Variants in CTNND2 observed in about 807,000 individuals in gnomAD.
The protein encoded by CTNND2 is catenin delta 2.
A neutral mutation model predicts 144.4 loss-of-function variants in CTNND2; 22 were observed. The ratio of observed to expected loss-of-function variants is 0.15; its 90% confidence interval spans 0.11 to 0.22. The LOEUF (loss-of-function observed/expected upper bound fraction) is 0.22, where lower values mean the gene tolerates loss of function less well. Ranked by LOEUF, CTNND2 falls within the 10% of genes least tolerant of loss-of-function variation. CTNND2 has a pLI of 1.00. For missense variants in CTNND2, 1,353 were observed against 1,618.8 expected, an observed-to-expected ratio of 0.84 and a Z score of 2.82; for synonymous variants, 751 against 695.6, an observed-to-expected ratio of 1.08 and a Z score of -1.25.
intron 3 of CTNND2, among the ~76,000 whole-genome samples, chr5:11,485,193 A>G (rs1400268806): frequency 6.6e-6 from 1 of 152,242 alleles, no homozygotes; most frequent in African/African-American, 2.4e-5. Flanking sequence ...AAAAGGTGAA[A>G]GAAACATAAA....
At chr5:11,385,369 G>C in intron 6 of CTNND2, 140 bp from the exon 7 acceptor site, 3 of 423,730 alleles carry the variant, frequency 7.1e-6, no homozygotes, top group Non-Finnish European at 9.6e-6. Flanking sequence ...AGCTGCGCTC[G>C]GGGCAGTACG....
At chr5:11,152,759 C>T (rs796893815) in intron 12 of CTNND2, among the ~76,000 whole-genome samples, 35 of 152,278 alleles carry the variant, frequency 2.3e-4, no homozygotes, top group African/African-American at 7.0e-4. Context: ...CCCCTCCCAT[C>T]GAAGAGGACT....
intron 16 of CTNND2, among the ~76,000 whole-genome samples, chr5:11,031,335 T>C (rs950225701): frequency 6.6e-6 from 1 of 152,152 alleles, no homozygotes; most frequent in African/African-American, 2.4e-5. Context: ...CAACCCTGGT[T>C]TCTGCCAGCT....
At chr5:11,088,721 T>A (rs1389768655) in intron 15 of CTNND2, among the ~76,000 whole-genome samples, 1 of 152,130 alleles carries the variant, frequency 6.6e-6, no homozygotes, top group Non-Finnish European at 1.5e-5. Context: ...AAGGCAAAGT[T>A]TTTGCTGAAG....
intron 1 of CTNND2, among the ~76,000 whole-genome samples, chr5:11,870,775 G>A (rs1735042776): frequency 1.3e-5 from 2 of 152,304 alleles, no homozygotes; most frequent in South Asian, 4.1e-4. Flanking sequence ...GGAAGTTAAT[G>A]CCTGGAGGGA....
intron 1 of CTNND2, among the ~76,000 whole-genome samples, chr5:11,885,844 G>T (rs1736484754): frequency 6.6e-6 from 1 of 151,914 alleles, no homozygotes; most frequent in Non-Finnish European, 1.5e-5. Flanking sequence ...GACCACAATG[G>T]AATAAAGCTA....
Position 11,101,262 on chromosome 5 carries a change from TA to T in CTNND2, c.2464-2515del, listed in dbSNP as rs201619502. 5.8e-3 allele frequency among the ~76,000 whole-genome samples: 881 copies of T among 152,306 alleles called. 11 individuals are homozygous for T. Among genetic ancestry groups the T allele is most frequent in the African/African-American group, 0.02 (846 of 41,572 alleles). On this transcript the variant is annotated intron_variant, in intron 14 of 21. Coordinates refer to ENST00000304623, the MANE Select transcript of CTNND2 (RefSeq NM_001332.4). ...TAAGTTAATAGGGGGAAAAGCCCAT[TA>T]AAAATAGATTTCCATCAGCTGTAAC...
chr5:11,770,415 A>AAGAAAG (rs1789854738), intron 1 of CTNND2, among the ~76,000 whole-genome samples: 1 of 10,002 alleles, frequency 1.0e-4, no homozygotes, highest in South Asian at 0.056. Flanking sequence ...AAAAAAGGAA[A>AAGAAAG]GAAGGAAGGA....
chr5:11,130,854 C>T (rs1255482921), intron 12 of CTNND2, among the ~76,000 whole-genome samples: 1 of 152,162 alleles, frequency 6.6e-6, no homozygotes, highest in African/African-American at 2.4e-5. Flanking sequence ...TACTCTGGCA[C>T]ATTCATGGTA....
chr5:11,702,736 A>G (rs892222695), intron 2 of CTNND2, among the ~76,000 whole-genome samples: 3 of 152,180 alleles, frequency 2.0e-5, no homozygotes. Context: ...GGTACTCTTC[A>G]AAAACACAGA....
intron 2 of CTNND2, among the ~76,000 whole-genome samples, chr5:11,650,871 T>C (rs541976790): frequency 1.3e-5 from 2 of 152,308 alleles, no homozygotes; most frequent in East Asian, 1.9e-4. Flanking sequence ...AGCAAATAGA[T>C]GATCTGAAAC....
At chr5:11,762,053 T>C (rs1789296849) in intron 1 of CTNND2, among the ~76,000 whole-genome samples, 1 of 152,204 alleles carries the variant, frequency 6.6e-6, no homozygotes, top group Admixed American at 6.5e-5. Context: ...TAGTTTCTAT[T>C]ATCTAGAAAA....
chr5:11,080,995 T>C (rs1749487933), intron 16 of CTNND2, among the ~76,000 whole-genome samples: 1 of 152,010 alleles, frequency 6.6e-6, no homozygotes, highest in Non-Finnish European at 1.5e-5. Context: ...GAGAACTGTT[T>C]GAACTTGGGA....
chr5:11,445,878 A>C (rs1022250212), intron 3 of CTNND2, among the ~76,000 whole-genome samples: 2 of 152,244 alleles, frequency 1.3e-5, no homozygotes, highest in African/African-American at 4.8e-5. Context: ...TCAACAATTA[A>C]ACGTAAATGT....
chr5:11,190,802 A>T (rs555610973), intron 11 of CTNND2, among the ~76,000 whole-genome samples: 3 of 152,190 alleles, frequency 2.0e-5, no homozygotes, highest in African/African-American at 7.2e-5. Context: ...CCTTTTACTG[A>T]AAAAGCTTGC....
chr5:11,267,665 G>A (rs1745587887), intron 9 of CTNND2, among the ~76,000 whole-genome samples: 1 of 152,196 alleles, frequency 6.6e-6, no homozygotes, highest in South Asian at 2.1e-4. Flanking sequence ...CTTTGCAAAT[G>A]TTAGAAACCT....
Position 11,648,637 on chromosome 5 carries a change from G to A in CTNND2, c.174+83499C>T, listed in dbSNP as rs74731769. The stretch of plus-strand genomic sequence containing the variant: ...TTTTTCCAATTAGTAAGTTATCTTA[G>A]CACTATTTATTTAATTCTTTATTCT... On this transcript the variant is annotated intron_variant, in intron 2 of 21. Transcript: ENST00000304623. Among the ~76,000 whole-genome samples the A allele has an allele frequency of 9.3e-3, 1,421 of 152,042 alleles. 9 individuals carry two copies. The highest frequency in any genetic ancestry group is 0.05 in the East Asian group (256 of 5,170).
At chr5:11,585,797 A>T (rs1778813806) in intron 2 of CTNND2, among the ~76,000 whole-genome samples, 1 of 152,120 alleles carries the variant, frequency 6.6e-6, no homozygotes, top group Admixed American at 6.5e-5. Flanking sequence ...TACAGAAAAG[A>T]TGGGGAAGAA....
intron 11 of CTNND2, among the ~76,000 whole-genome samples, chr5:11,160,954 G>A (rs768230688): frequency 1.4e-4 from 21 of 152,122 alleles, no homozygotes; most frequent in Non-Finnish European, 2.5e-4. Context: ...CAACTATAAA[G>A]TTCAATAAAA....
Sources: allele counts gnomAD v4.1 joint callset (sites outside exome capture counted in the v4.1 genomes callset), GRCh38; gene constraint gnomAD v4.1.1; transcripts MANE v1.5; gene names NCBI Gene and HGNC (gene_info 2026-07-23, HGNC 2026-07-21).